The following DMXL2 variants were observed in gnomAD, a reference collection of about 807,000 sequenced individuals.
DMXL2 encodes dmX-like protein 2.
DMXL2 carries 103 observed loss-of-function variants against 331.1 expected under a neutral mutation model. The ratio of observed to expected loss-of-function variants is 0.31; its 90% CI spans 0.27 to 0.37. The LOEUF is 0.37. DMXL2 is among the 10% of genes least tolerant of loss of function. DMXL2 has a pLI of 1.00. For synonymous variants in DMXL2, 1,281 were observed against 1,252.1 expected (o/e 1.02, Z -0.49); for missense variants, 3,171 against 3,642.9 (o/e 0.87, Z 3.33).
chr15:51,599,460 T>A (rs2053072749), intron 1 of DMXL2, among the ~76,000 whole-genome samples: 1 of 152,222 alleles, frequency 6.6e-6, no homozygotes, highest in South Asian at 2.1e-4. Flanking sequence ...AACTGTCCAC[T>A]GAAAGGGCTT....
In DMXL2 at chr15:51,491,278, T is replaced by C. The variant is rs941516354; in HGVS notation, c.4953+300A>G. 1.3e-4 allele frequency among the ~76,000 whole-genome samples: 20 copies of C among 152,192 alleles called. No homozygotes were observed. The East Asian group carries it at 3.9e-3, about 29-fold the overall frequency. The stretch of plus-strand genomic sequence containing the variant: ...CAACATGGTGAAACCCTGTCTCTAC[T>C]AAAAATACAAAAATTAGCTGGATGT... On this transcript the variant is annotated intron_variant, in intron 20 of 43. Transcript: ENST00000560891.
In DMXL2 at chr15:51,565,101, T is replaced by C. The variant is rs778198111; in HGVS notation, c.351A>G (p.Ala117=). 2.0e-5 allele frequency: 31 copies of C among 1,554,282 alleles called. No individual in the cohort carries two copies. Among genetic ancestry groups the C allele is most frequent in the Non-Finnish European group, 2.5e-5 (29 of 1,153,994 alleles). The change falls in exon 4 of 44, where the codon GCA becomes GCG. Residue 117 remains alanine (A), a synonymous_variant. Coordinates refer to ENST00000560891, the MANE Select transcript of DMXL2 (RefSeq NM_001378457.1). The stretch of plus-strand genomic sequence containing the variant: ...ATTGCTAAATACCTTGAGGATCCCA[T>C]GCTAAGTTGTATGTCACAGAACTCA... The part of the protein sequence containing the change: ...FFLSSVTYNL[A]WDPQDNRLLT...
At position 51,576,182 on chromosome 15, in the gene DMXL2, C is replaced by CAAAAAAAA; in HGVS notation, c.88-2_88-1insTTTTTTTT. 1.4e-6 allele frequency: 1 copy of CAAAAAAAA among 734,608 alleles called. No homozygotes were observed. The highest frequency in any genetic ancestry group is 1.7e-6 in the Non-Finnish European group (1 of 583,366). 45.5% of individuals were successfully genotyped at this position (734,608 alleles called of 1,614,324 possible). On this transcript the variant is annotated splice_acceptor_variant, in intron 1 of 43. Transcript: ENST00000560891. LOFTEE classifies it high-confidence loss of function. ...CAATATCACAGCCTGATCCATATGCCTAAAAAAAAAAAAAAAAAAAAGTTT... is the reference window on the plus strand; with the variant it reads ...CAATATCACAGCCTGATCCATATGCCAAAAAAAATAAAAAAAAAAAAAAAAAAAAGTTT...
intron 31 of DMXL2, 139 bp downstream of exon 31, chr15:51,465,427 T>C: frequency 1.4e-6 from 1 of 715,598 alleles, no homozygotes; most frequent in South Asian, 1.7e-5. Flanking sequence ...GATTGGAGCC[T>C]AAAATAAACA....
Position 51,499,090 on chromosome 15 carries a change from T to C in DMXL2, c.4134A>G (p.Glu1378=). 6.2e-7 allele frequency: 1 copy of C among 1,614,088 alleles called. No homozygotes were observed. The change falls in exon 18 of 44, where the codon GAA becomes GAG. Residue 1378 remains glutamate, a synonymous_variant. Coordinates refer to ENST00000560891, the MANE Select transcript of DMXL2 (RefSeq NM_001378457.1). ...CATCAGGATCTCTAACTATTGCTAC[T>C]TCACCTGCAATACATTTTACTAAAT... The part of the protein sequence containing the change: ...LSHLVKCIAG[E]VAIVRDPDAG...
intron 19 of DMXL2, among the ~76,000 whole-genome samples, chr15:51,494,787 G>A (rs1312110981): frequency 6.6e-6 from 1 of 152,116 alleles, no homozygotes; most frequent in African/African-American, 2.4e-5. Context: ...TACCCCCTAA[G>A]CTACTACTCT....
chr15:51,579,517 T>G (rs2051268063), intron 1 of DMXL2, among the ~76,000 whole-genome samples: 1 of 152,176 alleles, frequency 6.6e-6, no homozygotes, highest in African/African-American at 2.4e-5. Flanking sequence ...AGCAAGGACC[T>G]TACCTTGTCC....
intron 40 of DMXL2, 67 bp downstream of exon 40, chr15:51,455,084 C>CT: frequency 4.6e-6 from 6 of 1,296,382 alleles, no homozygotes; most frequent in Non-Finnish European, 6.7e-6. Flanking sequence ...GATTCACTGT[C>CT]TGAAACAGAC....
intron 13 of DMXL2, among the ~76,000 whole-genome samples, chr15:51,520,568 T>C (rs1188555376): frequency 1.3e-5 from 2 of 152,052 alleles, no homozygotes; most frequent in African/African-American, 2.4e-5. Flanking sequence ...GTTCTTTAAA[T>C]GGGAATAGGC....
At position 51,517,100 on chromosome 15, in the gene DMXL2, T is replaced by G; in HGVS notation, c.2504A>C (p.Glu835Ala). Residue 835 changes from glutamate (E) to alanine (A), a missense_variant, in exon 14 of 44, where the codon GAA (glutamate) becomes GCA (alanine). Physicochemically the swap from Glu to Ala is moderately radical, Grantham distance 107. Coordinates refer to ENST00000560891, the MANE Select transcript of DMXL2 (RefSeq NM_001378457.1). ...TACTTGGTTGGTTATTGCGTCGAGT[T>G]CAATAATGCAGCCAGGTCGAGCAGT... The part of the protein sequence containing the change: ...QSTARPGCII[E>A]LDAITNQCGS... The G allele has an allele frequency of 6.2e-7, 1 of 1,614,000 alleles. No homozygotes were observed. The highest frequency in any genetic ancestry group is 8.5e-7 in the Non-Finnish European group (1 of 1,179,880).
At chr15:51,604,197 CAA>C (rs1306640291) in intron 1 of DMXL2, among the ~76,000 whole-genome samples, 1 of 149,282 alleles carries the variant, frequency 6.7e-6, no homozygotes, top group African/African-American at 2.5e-5. Context: ...TGACAATACT[CAA>C]GATTCCTTTA....
chr15:51,510,682 G>GA (rs920190676), intron 15 of DMXL2, among the ~76,000 whole-genome samples: 77 of 151,966 alleles, frequency 5.1e-4, no homozygotes, highest in African/African-American at 1.7e-3. Context: ...CACAGAATTA[G>GA]AAAAAAACAC....
intron 15 of DMXL2, among the ~76,000 whole-genome samples, chr15:51,512,369 T>G (rs1019422923): frequency 6.6e-6 from 1 of 152,130 alleles, no homozygotes; most frequent in African/African-American, 2.4e-5. Flanking sequence ...AGCTCAACAT[T>G]TTTTAGACAA....
rs780795755 is a variant in DMXL2, at chr15:51,491,659, G to A, written c.4872C>T (p.Asp1624=). ...INMIPAIQRG[D]PQWSELRAMG... Reference sequence around the variant, plus strand: ...TAGCTCTTAATTCAGACCACTGGGGGTCCCCTCTCTGAATTGCTGGAATCA... The same window carrying A: ...TAGCTCTTAATTCAGACCACTGGGGATCCCCTCTCTGAATTGCTGGAATCA... Residue 1624 remains aspartate, a synonymous_variant, in exon 20 of 44, where the codon GAC becomes GAT. Transcript: ENST00000560891. 2 of 1,613,354 alleles carry A rather than the reference G, an allele frequency of 1.2e-6. No individual in the cohort carries two copies. The highest frequency in any genetic ancestry group is 1.7e-6 in the Non-Finnish European group (2 of 1,179,758).
intron 1 of DMXL2, among the ~76,000 whole-genome samples, chr15:51,601,466 C>A (rs2141319076): frequency 6.6e-6 from 1 of 152,178 alleles, no homozygotes; most frequent in South Asian, 2.1e-4. Context: ...GAGATAGGGA[C>A]CAAGTCTTCC....
chr15:51,487,264 T>C (rs898085891), intron 22 of DMXL2, among the ~76,000 whole-genome samples: 1 of 152,166 alleles, frequency 6.6e-6, no homozygotes, highest in Admixed American at 6.5e-5. Context: ...CAGTTCCTTA[T>C]TTATGAATTT....
In DMXL2 at chr15:51,481,241, T is replaced by C. The variant is rs1184068585; in HGVS notation, c.5865A>G (p.Val1955=). Residue 1955 remains valine (V), a synonymous_variant, in exon 24 of 44, where the codon GTA becomes GTG. Coordinates refer to ENST00000560891, the MANE Select transcript of DMXL2 (RefSeq NM_001378457.1). ...NGSSGIEWSN[V]TSSQYDWSQP... is the part of the protein sequence containing the mutation. ...GACTCCAGTCATACTGTGATGAAGT[T>C]ACATTTGACCATTCAATGCCAGAAC... 16 of 1,613,922 alleles carry C rather than the reference T, an allele frequency of 9.9e-6. No homozygotes were observed. The highest frequency in any genetic ancestry group is 1.4e-5 in the Non-Finnish European group (16 of 1,179,908).
In DMXL2 at chr15:51,599,731, G is replaced by A. The variant is rs146725639; in HGVS notation, c.87+22728C>T. The stretch of plus-strand genomic sequence containing the variant: ...TTCTCTTTTTTTGAGATGGAGTCTC[G>A]CTTTGTCACCCAGGCTGGAGTGCAG... On this transcript the variant is annotated intron_variant, in intron 1 of 43. Coordinates refer to ENST00000560891, the MANE Select transcript of DMXL2 (RefSeq NM_001378457.1). Among the ~76,000 whole-genome samples the A allele has an allele frequency of 4.0e-3, 602 of 150,760 alleles. 6 individuals carry two copies. Among genetic ancestry groups the A allele is most frequent in the African/African-American group, 0.014 (580 of 40,984 alleles).
chr15:51,603,734 GGCAGGCAC>G (rs2141336807), intron 1 of DMXL2: 1 of 152,168 alleles, frequency 6.6e-6, no homozygotes, highest in East Asian at 1.9e-4. Context: ...CGGGCGTGGT[GGCAGGCAC>G]CAGTAGTCCC....
Sources: allele counts gnomAD v4.1 joint callset (sites outside exome capture counted in the v4.1 genomes callset), GRCh38; gene constraint gnomAD v4.1.1; transcripts MANE v1.5; gene names NCBI Gene and HGNC (gene_info 2026-07-23, HGNC 2026-07-21).